ATP9B: variants seen among roughly 807,000 people sequenced by gnomAD.
ATP9B encodes the protein ATPase phospholipid transporting 9B.
In ATP9B, 110 loss-of-function variants were observed where a neutral mutation model predicts 146.1. The observed-to-expected ratio is 0.75, with a 90% CI of 0.65 to 0.88. The LOEUF is 0.88. ATP9B is among the 40% of genes least tolerant of loss of function. The probability of loss-of-function intolerance (pLI) is 0.00; values close to 1 mark genes in which losing one functional copy is unlikely to be tolerated. For missense variants in ATP9B, 1,499 were observed against 1,496.4 expected, an observed-to-expected ratio of 1.00 and a Z score of -0.03; for synonymous variants, 604 against 569.7, an observed-to-expected ratio of 1.06 and a Z score of -0.86.
intron 6 of ATP9B, among the ~76,000 whole-genome samples, chr18:79,148,137 G>A (rs2094622014): frequency 6.6e-6 from 1 of 152,152 alleles, no homozygotes; most frequent in Non-Finnish European, 1.5e-5. Flanking sequence ...AATATCAGTA[G>A]TCCTGTAGCC....
chr18:79,356,387 C>T (rs1421451271), intron 25 of ATP9B, among the ~76,000 whole-genome samples: 1 of 152,204 alleles, frequency 6.6e-6, no homozygotes, highest in African/African-American at 2.4e-5. Context: ...TCTCACTCGG[C>T]ACTCCTGTCC....
At chr18:79,275,528 C>T (rs1000637157) in intron 12 of ATP9B, among the ~76,000 whole-genome samples, 4 of 152,260 alleles carry the variant, frequency 2.6e-5, no homozygotes, top group Non-Finnish European at 5.9e-5. Context: ...AAACACTCCT[C>T]TGAACATTTG....
intron 11 of ATP9B, among the ~76,000 whole-genome samples, chr18:79,250,035 C>T (rs2096007553): frequency 6.6e-6 from 1 of 152,216 alleles, no homozygotes; most frequent in Admixed American, 6.5e-5. Context: ...GAGAAGACAA[C>T]ATATACTTGG....
At chr18:79,069,618 G>T in intron 1 of ATP9B, 89 bp downstream of exon 1, 1 of 817,508 alleles carries the variant, frequency 1.2e-6, no homozygotes. Context: ...GCGGGTCTGG[G>T]GTCGCTACCG....
chr18:79,319,304 C>T (rs1327572928), intron 15 of ATP9B, among the ~76,000 whole-genome samples: 2 of 152,144 alleles, frequency 1.3e-5, no homozygotes, highest in Non-Finnish European at 2.9e-5. Flanking sequence ...AAATAAAATG[C>T]CCTTGTATAT....
intron 2 of ATP9B, among the ~76,000 whole-genome samples, chr18:79,098,977 T>A (rs2075043015): frequency 6.6e-6 from 1 of 152,216 alleles, no homozygotes; most frequent in Non-Finnish European, 1.5e-5. Flanking sequence ...TGTGGAATAC[T>A]GTGTAAGTGA....
intron 13 of ATP9B, among the ~76,000 whole-genome samples, chr18:79,296,646 G>A (rs1332960771): frequency 1.3e-5 from 2 of 152,188 alleles, no homozygotes; most frequent in African/African-American, 4.8e-5. Context: ...AGTAGTGCAA[G>A]TGTTTGATTT....
chr18:79,234,769 A>G (rs2095825476), intron 11 of ATP9B, among the ~76,000 whole-genome samples: 1 of 152,238 alleles, frequency 6.6e-6, no homozygotes, highest in African/African-American at 2.4e-5. Context: ...GCTTAGGGAG[A>G]TAATCAACGG....
At chr18:79,160,578 TA>T (rs1189129332) in intron 7 of ATP9B, among the ~76,000 whole-genome samples, 1 of 152,196 alleles carries the variant, frequency 6.6e-6, no homozygotes, top group Non-Finnish European at 1.5e-5. Context: ...GGTAATTAAT[TA>T]AGTGGAAAAG....
intron 1 of ATP9B, among the ~76,000 whole-genome samples, chr18:79,089,170 G>T (rs576672512): frequency 6.6e-6 from 1 of 151,992 alleles, no homozygotes; most frequent in African/African-American, 2.4e-5. Flanking sequence ...TATACTGCTC[G>T]GGAGATGGGT....
intron 26 of ATP9B, among the ~76,000 whole-genome samples, chr18:79,365,351 G>A (rs554788123): frequency 6.6e-5 from 10 of 152,116 alleles, no homozygotes; most frequent in South Asian, 2.1e-4. Context: ...TACCAGCAAC[G>A]TGAAAGGCTG....
intron 4 of ATP9B, among the ~76,000 whole-genome samples, chr18:79,124,145 A>T (rs1398969443): frequency 6.7e-6 from 1 of 149,094 alleles, no homozygotes; most frequent in Non-Finnish European, 1.5e-5. Context: ...GTCACCCAGA[A>T]TAGGCAAACT....
intron 12 of ATP9B, among the ~76,000 whole-genome samples, chr18:79,264,665 G>GTTT (rs1345511279): frequency 1.0e-5 from 1 of 95,448 alleles, no homozygotes; most frequent in African/African-American, 5.7e-5. Context: ...CACTGTAAGT[G>GTTT]TTTTTTGTTT....
intron 7 of ATP9B, among the ~76,000 whole-genome samples, chr18:79,170,217 C>T (rs1214559364): frequency 1.3e-5 from 2 of 152,128 alleles, no homozygotes; most frequent in Non-Finnish European, 2.9e-5. Context: ...GTCAGGCACT[C>T]CCCAGAGCCA....
chr18:79,227,698 C>T (rs898274742), intron 11 of ATP9B, among the ~76,000 whole-genome samples: 1 of 152,194 alleles, frequency 6.6e-6, no homozygotes, highest in Non-Finnish European at 1.5e-5. Context: ...CATCTCACCT[C>T]CCCCCGACTG....
chr18:79,259,220 A>G (rs898950478), intron 12 of ATP9B, among the ~76,000 whole-genome samples: 6 of 152,214 alleles, frequency 3.9e-5, no homozygotes, highest in South Asian at 4.1e-4. Flanking sequence ...AAATTCATAT[A>G]TGTTCCCTAA....
chr18:79,149,144 T>G (rs1263400329), intron 6 of ATP9B, among the ~76,000 whole-genome samples: 1 of 152,292 alleles, frequency 6.6e-6, no homozygotes, highest in East Asian at 1.9e-4. Flanking sequence ...GGTTTTTTTC[T>G]TCTTATTTTT....
At chr18:79,213,441 GT>G (rs911131137) in intron 10 of ATP9B, among the ~76,000 whole-genome samples, 4 of 151,946 alleles carry the variant, frequency 2.6e-5, no homozygotes, top group African/African-American at 9.7e-5. Context: ...GTCAAATACC[GT>G]TTTTTATAAT....
intron 26 of ATP9B, among the ~76,000 whole-genome samples, chr18:79,369,538 A>G (rs1351588677): frequency 2.0e-5 from 3 of 151,132 alleles, no homozygotes; most frequent in African/African-American, 7.3e-5. Context: ...GTCTCAAAAA[A>G]AAAAAAAAAA....
Sources: allele counts gnomAD v4.1 joint callset (sites outside exome capture counted in the v4.1 genomes callset), GRCh38; gene constraint gnomAD v4.1.1; transcripts MANE v1.5; gene names NCBI Gene and HGNC (gene_info 2026-07-23, HGNC 2026-07-21).